Variants in ARHGAP31 observed in about 807,000 individuals in gnomAD.
ARHGAP31 encodes Rho GTPase activating protein 31.
A neutral mutation model predicts 113.9 loss-of-function variants in ARHGAP31; 34 were observed. The observed-to-expected ratio is 0.30, with a 90% CI of 0.23 to 0.40. The LOEUF is 0.40. Ranked by LOEUF, ARHGAP31 falls within the 10% of genes least tolerant of loss-of-function variation. The pLI, the probability that ARHGAP31 is intolerant of heterozygous loss-of-function variation, is 1.00. For missense variants in ARHGAP31, 1,548 were observed against 1,767.1 expected, an observed-to-expected ratio of 0.88 and a Z score of 2.22; for synonymous variants, 650 against 684.8, an observed-to-expected ratio of 0.95 and a Z score of 0.79.
rs565375361 is a variant in ARHGAP31, at chr3:119,347,930, T to C, written c.101-17386T>C. On this transcript the variant is annotated intron_variant, in intron 1 of 11. Transcript: ENST00000264245. ...GATTCTCTAATTCTAGGAATAAGAG[T>C]GTCTGTATGATAAACTAGCATTCTC... Among the ~76,000 whole-genome samples, 8 of 152,042 alleles carry C rather than the reference T, an allele frequency of 5.3e-5. No individual in the cohort carries two copies. The South Asian group carries it at 1.0e-3, about 20-fold the overall frequency.
At chr3:119,332,622 C>CTT (rs1459336462) in intron 1 of ARHGAP31, among the ~76,000 whole-genome samples, 1 of 118,204 alleles carries the variant, frequency 8.5e-6, no homozygotes. Context: ...CTCTCTCTCT[C>CTT]TCTCTCTCTC....
chr3:119,390,947 C>A lies in ARHGAP31; in HGVS notation c.845C>A (p.Thr282Asn), dbSNP rs749949250. The change falls in exon 7 of 12, where the codon ACC (threonine) becomes AAC (asparagine). Residue 282 changes from threonine (T) to asparagine (N), a missense_variant. Thr to Asn is a moderately conservative substitution (Grantham distance 65). Transcript: ENST00000264245. ...CCTGAGATTGTCCCTCCCATGGGCA[C>A]CCTCTTCCACACTGTCCTTGAGTTA... Reference protein sequence around the residue: ...SLPEIVPPMGTLFHTVLELPD... With the variant: ...SLPEIVPPMGNLFHTVLELPD... The A allele has an allele frequency of 6.2e-7, 1 of 1,614,174 alleles. No individual in the cohort carries two copies. The highest frequency in any genetic ancestry group is 8.5e-7 in the Non-Finnish European group (1 of 1,180,030).
rs2080793907 is a variant in ARHGAP31, at chr3:119,418,123, A to G, written c.*1859A>G. The G allele has an allele frequency of 6.6e-6, 1 of 152,106 alleles. No individual in the cohort carries two copies. Among genetic ancestry groups the G allele is most frequent in the Non-Finnish European group, 1.5e-5 (1 of 68,024 alleles). The allele number at this position is 152,106 out of a possible 1,614,324, so 9.4% of individuals were successfully genotyped here. On this transcript the variant is annotated 3_prime_UTR_variant, in exon 12 of 12. Coordinates refer to ENST00000264245, the MANE Select transcript of ARHGAP31 (RefSeq NM_020754.4). ...TTGAAATCTTGTTCTGTACCTTTTA[A>G]GCCAGTGTCTGTGGCGAGGGTGACT... is the stretch of plus-strand genomic sequence containing the variant.
At chr3:119,394,708 A>T (rs941603338) in intron 8 of ARHGAP31, among the ~76,000 whole-genome samples, 8 of 152,102 alleles carry the variant, frequency 5.3e-5, no homozygotes, top group African/African-American at 1.9e-4. Flanking sequence ...TAATCCCAAC[A>T]CTTTGGGAAG....
At chr3:119,389,098 T>C (rs535937870) in intron 6 of ARHGAP31, among the ~76,000 whole-genome samples, 123 of 152,016 alleles carry the variant, frequency 8.1e-4, no homozygotes, top group African/African-American at 2.8e-3. Context: ...GAGTCGGAGG[T>C]TGCAGTGAGC....
chr3:119,408,277 C>A (rs2080683752), intron 10 of ARHGAP31, among the ~76,000 whole-genome samples: 1 of 152,086 alleles, frequency 6.6e-6, no homozygotes, highest in East Asian at 1.9e-4. Flanking sequence ...TTTACATATT[C>A]AAAGATAAAA....
At chr3:119,354,066 G>A (rs1341308587) in intron 1 of ARHGAP31, among the ~76,000 whole-genome samples, 1 of 152,208 alleles carries the variant, frequency 6.6e-6, no homozygotes, top group Non-Finnish European at 1.5e-5. Flanking sequence ...TGCTGGTTTG[G>A]CTTGGCATCT....
chr3:119,391,598 T>TCCCCCCCCCCCCCCC (rs1422804516), intron 7 of ARHGAP31, among the ~76,000 whole-genome samples: 1 of 87,064 alleles, frequency 1.1e-5, no homozygotes, highest in African/African-American at 4.8e-5. Flanking sequence ...TACCCCCCCC[T>TCCCCCCCCCCCCCCC]CCCCCCCGCC....
intron 1 of ARHGAP31, among the ~76,000 whole-genome samples, chr3:119,336,400 C>T (rs1393173365): frequency 7.8e-6 from 1 of 128,754 alleles, no homozygotes; most frequent in Admixed American, 7.6e-5. Context: ...TGTAGATCTA[C>T]ACTGACCACG....
chr3:119,333,514 C>T (rs1056237757), intron 1 of ARHGAP31, among the ~76,000 whole-genome samples: 6 of 152,300 alleles, frequency 3.9e-5, no homozygotes, highest in African/African-American at 1.2e-4. Flanking sequence ...TTTCTTAATA[C>T]ATGTGATAAA....
At chr3:119,362,257 A>C (rs1422388487) in intron 1 of ARHGAP31, among the ~76,000 whole-genome samples, 1 of 152,184 alleles carries the variant, frequency 6.6e-6, no homozygotes, top group African/African-American at 2.4e-5. Context: ...CCTGCACAGC[A>C]CAGCAGCCAT....
Position 119,415,675 on chromosome 3 carries a change from A to G in ARHGAP31, c.3746A>G (p.Asp1249Gly), listed in dbSNP as rs1577037650. 1 of 1,614,144 alleles carries G rather than the reference A, an allele frequency of 6.2e-7. No homozygotes were observed. The highest frequency in any genetic ancestry group is 1.6e-4 in the Middle Eastern group (1 of 6,062). Residue 1249 changes from aspartate to glycine, a missense_variant, in exon 12 of 12, where the codon GAT becomes GGT. Asp to Gly is a moderately conservative substitution (Grantham distance 94). Coordinates refer to ENST00000264245, the MANE Select transcript of ARHGAP31 (RefSeq NM_020754.4). ...GGGACCACTCAGAAACCTGCCAAAG[A>G]TGATTCTCCCTCCTCCCTGGAAAGC... The part of the protein sequence containing the change: ...TSGTTQKPAK[D>G]DSPSSLESSK...
chr3:119,318,736 C>A (rs1267318353), intron 1 of ARHGAP31, among the ~76,000 whole-genome samples: 1 of 152,270 alleles, frequency 6.6e-6, no homozygotes, highest in East Asian at 1.9e-4. Flanking sequence ...TAGAATTAGT[C>A]TCTCGCTTAT....
chr3:119,400,548 T>C (rs188172989), intron 9 of ARHGAP31, among the ~76,000 whole-genome samples: 130 of 152,378 alleles, frequency 8.5e-4, no homozygotes, highest in Admixed American at 2.0e-3. Flanking sequence ...ACTTTTATAT[T>C]CATCTATTTG....
chr3:119,307,790 C>T (rs781059328), intron 1 of ARHGAP31, among the ~76,000 whole-genome samples: 2 of 151,838 alleles, frequency 1.3e-5, no homozygotes, highest in Non-Finnish European at 2.9e-5. Flanking sequence ...AGTCTGTTTC[C>T]ATCATTGATG....
Position 119,409,790 on chromosome 3 carries a change from T to C in ARHGAP31, c.1926+14T>C. On this transcript the variant is annotated intron_variant, in intron 11 of 11. Coordinates refer to ENST00000264245, the MANE Select transcript of ARHGAP31 (RefSeq NM_020754.4). The stretch of plus-strand genomic sequence containing the variant: ...CTCCATGAGATGGTAAAGTGCATTC[T>C]CCACCTGCTCCAGCCAGGTGGAGTT... 6.3e-7 allele frequency: 1 copy of C among 1,584,808 alleles called. No homozygotes were observed.
chr3:119,309,815 G>A (rs1385635024), intron 1 of ARHGAP31, among the ~76,000 whole-genome samples: 3 of 152,024 alleles, frequency 2.0e-5, no homozygotes, highest in African/African-American at 4.8e-5. Context: ...TGTCTTCTGC[G>A]AAACCAGTCC....
At chr3:119,307,006 A>C (rs572856599) in intron 1 of ARHGAP31, among the ~76,000 whole-genome samples, 1 of 151,146 alleles carries the variant, frequency 6.6e-6, no homozygotes, top group Non-Finnish European at 1.5e-5. Flanking sequence ...CCTTTGTTTC[A>C]ATCTTTATTT....
chr3:119,373,015 A>G (rs2080315085), intron 3 of ARHGAP31, among the ~76,000 whole-genome samples: 1 of 152,242 alleles, frequency 6.6e-6, no homozygotes, highest in Non-Finnish European at 1.5e-5. Context: ...CAAAATGAGG[A>G]AATCAAGTTT....
Sources: gnomAD v4.1 joint callset for allele counts (sites outside exome capture counted in the v4.1 genomes callset) on GRCh38, gnomAD v4.1.1 for gene constraint, MANE v1.5 for transcripts, NCBI Gene and HGNC (gene_info 2026-07-23, HGNC 2026-07-21) for gene names.